The following USP32 variants were observed in gnomAD, a reference collection of about 807,000 sequenced individuals.
USP32 encodes the protein ubiquitin specific peptidase 32.
Under a neutral mutation model 204.8 loss-of-function variants are expected in USP32, and 59 were observed. The observed-to-expected ratio is 0.29, with a 90% confidence interval of 0.23 to 0.36. The LOEUF (loss-of-function observed/expected upper bound fraction) is 0.36, where lower values mean the gene tolerates loss of function less well. Ranked by LOEUF, USP32 falls within the 10% of genes least tolerant of loss-of-function variation. USP32 has a pLI of 1.00. For missense variants in USP32, 1,160 were observed against 1,946.4 expected, an observed-to-expected ratio of 0.60 and a Z score of 7.60; for synonymous variants, 517 against 678.4, an observed-to-expected ratio of 0.76 and a Z score of 3.70.
chr17:60,394,239 G>A (rs148210645), upstream of USP32, among the ~76,000 whole-genome samples: 17 of 152,306 alleles, frequency 1.1e-4, no homozygotes, highest in South Asian at 2.1e-4. Context: ...TGCGAGTTCC[G>A]AGTTAGATTA....
chr17:60,251,116 T>C (rs866442462), intron 11 of USP32, among the ~76,000 whole-genome samples: 7 of 152,018 alleles, frequency 4.6e-5, no homozygotes, highest in African/African-American at 1.7e-4. Flanking sequence ...ATAATTTTTG[T>C]ATTTTTTGTA....
intron 1 of USP32, among the ~76,000 whole-genome samples, chr17:60,408,427 G>A (rs1038087909): frequency 1.3e-4 from 19 of 151,552 alleles, no homozygotes; most frequent in Admixed American, 6.6e-5. Context: ...CCCCAGGCTG[G>A]AGTGCAGTGG....
At chr17:60,239,157 C>T (rs1389093741) in intron 11 of USP32, among the ~76,000 whole-genome samples, 4 of 152,106 alleles carry the variant, frequency 2.6e-5, no homozygotes, top group Admixed American at 2.6e-4. Flanking sequence ...AATTACCATC[C>T]CACTCACTTC....
intron 1 of USP32, among the ~76,000 whole-genome samples, chr17:60,362,327 C>A (rs1011753103): frequency 6.6e-6 from 1 of 152,176 alleles, no homozygotes; most frequent in African/African-American, 2.4e-5. Context: ...CATGAATCAA[C>A]CAGTAACAAT....
intron 2 of USP32, among the ~76,000 whole-genome samples, chr17:60,327,334 G>A (rs2088266065): frequency 6.6e-6 from 1 of 150,732 alleles, no homozygotes; most frequent in Non-Finnish European, 1.5e-5. Flanking sequence ...TTCAAGAGCA[G>A]CAATAGTGGC....
At chr17:60,196,453 G>C (rs2084520478) in intron 27 of USP32, among the ~76,000 whole-genome samples, 1 of 151,972 alleles carries the variant, frequency 6.6e-6, no homozygotes, top group African/African-American at 2.4e-5. Context: ...TAACTAAACT[G>C]CTTATCTATT....
At chr17:60,317,497 CAG>C (rs1234239919) in intron 2 of USP32, among the ~76,000 whole-genome samples, 1 of 142,692 alleles carries the variant, frequency 7.0e-6, no homozygotes, top group Non-Finnish European at 1.5e-5. Context: ...GCCTGGGTGA[CAG>C]AGTGAGACCC....
At chr17:60,253,028 G>A (rs923626708) in intron 10 of USP32, among the ~76,000 whole-genome samples, 1 of 152,066 alleles carries the variant, frequency 6.6e-6, no homozygotes, top group Non-Finnish European at 1.5e-5. Context: ...ATTATTGGAT[G>A]TTTCCTGAAA....
At chr17:60,238,785 C>G (rs1335586740) in intron 11 of USP32, among the ~76,000 whole-genome samples, 1 of 143,486 alleles carries the variant, frequency 7.0e-6, no homozygotes, top group African/African-American at 2.6e-5. Flanking sequence ...GCCTGGGCAA[C>G]AGAGCGAGAC....
chr17:60,265,964 A>G lies in USP32; in HGVS notation c.927+12T>C, dbSNP rs375649412. The G allele has an allele frequency of 5.0e-6, 8 of 1,601,426 alleles. No individual in the cohort carries two copies. Among genetic ancestry groups the G allele is most frequent in the African/African-American group, 4.0e-5 (3 of 74,616 alleles). ...GTTTATACGCAACAAGACATACACA[A>G]TCATAACTTACAGGAATATCATCAG... On this transcript the variant is annotated intron_variant, in intron 8 of 33. Transcript: ENST00000300896.
At chr17:60,301,224 A>C (rs1251897221) in intron 3 of USP32, among the ~76,000 whole-genome samples, 2 of 152,162 alleles carry the variant, frequency 1.3e-5, no homozygotes, top group Non-Finnish European at 2.9e-5. Context: ...TTAGGAGTGG[A>C]ATTGCTGGGA....
exon 1 of USP32, chr17:60,422,340 G>A: frequency 1.1e-6 from 1 of 889,286 alleles, no homozygotes. Flanking sequence ...GTCTTCGCTC[G>A]ACCCCGCACA....
intron 3 of USP32, among the ~76,000 whole-genome samples, chr17:60,297,235 C>CA (rs1248536976): frequency 6.6e-6 from 1 of 151,940 alleles, no homozygotes; most frequent in Non-Finnish European, 1.5e-5. Flanking sequence ...CCTATCTCTA[C>CA]AAAAAATTTA....
intron 11 of USP32, chr17:60,249,741 A>G (rs1317178163): frequency 1.4e-6 from 1 of 701,602 alleles, no homozygotes; most frequent in South Asian, 1.5e-5. Flanking sequence ...ATATTTGGTC[A>G]GTTTCCAGAG....
Position 60,307,983 on chromosome 17 carries a change from G to A in USP32, c.187-6279C>T, listed in dbSNP as rs547556482. Among the ~76,000 whole-genome samples, 7 of 152,322 alleles carry A rather than the reference G, an allele frequency of 4.6e-5. No homozygotes were observed. The East Asian group carries it at 1.2e-3, about 25-fold the overall frequency. On this transcript the variant is annotated intron_variant, in intron 2 of 33. Coordinates refer to ENST00000300896, the MANE Select transcript of USP32 (RefSeq NM_032582.4). ...CCGGCAGGCCACTGACCAGCAGAAC[G>A]ATGCGGAGTTAGGGTGGGGCAGTCA... is the stretch of plus-strand genomic sequence containing the variant.
At chr17:60,289,402 T>C (rs1404484655) in intron 4 of USP32, among the ~76,000 whole-genome samples, 1 of 152,216 alleles carries the variant, frequency 6.6e-6, no homozygotes, top group East Asian at 1.9e-4. Context: ...TACTATATCT[T>C]AATTAAATCT....
chr17:60,410,505 A>G (rs1263716022), intron 1 of USP32, among the ~76,000 whole-genome samples: 5 of 151,852 alleles, frequency 3.3e-5, no homozygotes, highest in African/African-American at 4.8e-5. Context: ...TGTCTCTACT[A>G]AAAATACAAA....
intron 1 of USP32, among the ~76,000 whole-genome samples, chr17:60,350,910 TC>T (rs896759959): frequency 3.0e-4 from 46 of 151,890 alleles, no homozygotes; most frequent in African/African-American, 1.1e-3. Context: ...TTTTTTTAAC[TC>T]ACAAAGACAA....
chr17:60,266,138 A>T (rs759155086), intron 7 of USP32, 47 bp from the exon 8 acceptor site: 1 of 1,456,770 alleles, frequency 6.9e-7, no homozygotes, highest in Non-Finnish European at 9.6e-7. Context: ...TTGTATTCTG[A>T]GGTATAATAT....
Sources: allele counts gnomAD v4.1 joint callset (sites outside exome capture counted in the v4.1 genomes callset), GRCh38; gene constraint gnomAD v4.1.1; transcripts MANE v1.5; gene names NCBI Gene and HGNC (gene_info 2026-07-23, HGNC 2026-07-21).